MGAT4D: variants seen among roughly 807,000 people sequenced by gnomAD.
The protein encoded by MGAT4D is alpha-1,3-mannosyl-glycoprotein 4-beta-N-acetylglucosaminyltransferase-like protein MGAT4D.
MGAT4D carries 34 observed loss-of-function variants against 15.9 expected under a neutral mutation model. The ratio of observed to expected loss-of-function variants is 2.14; its 90% confidence interval spans 1.62 to 2.84. The LOEUF is 2.84. Ranked by LOEUF, MGAT4D falls within the 30% of genes most tolerant of loss-of-function variation. The pLI, the probability that MGAT4D is intolerant of heterozygous loss-of-function variation, is 0.00. For synonymous variants in MGAT4D, 112 were observed against 48.2 expected, an observed-to-expected ratio of 2.33 and a Z score of -5.49; for missense variants, 327 against 140.2, an observed-to-expected ratio of 2.33 and a Z score of -6.73.
At chr4:140,459,987 C>A (rs1283275203) in intron 7 of MGAT4D, among the ~76,000 whole-genome samples, 1 of 151,852 alleles carries the variant, frequency 6.6e-6, no homozygotes, top group Non-Finnish European at 1.5e-5. Context: ...CCTGCCTTGG[C>A]CTCCCAACTC....
intron 10 of MGAT4D, among the ~76,000 whole-genome samples, chr4:140,443,812 G>A (rs1007845981): frequency 2.6e-5 from 4 of 151,920 alleles, no homozygotes; most frequent in African/African-American, 9.7e-5. Flanking sequence ...TATAGTAAAG[G>A]TTTAGGGTAA....
Position 140,456,612 on chromosome 4 carries a change from C to A in MGAT4D, c.985G>T (p.Val329Leu). ...WLLNDIFQVK[V>L]CDAGEDLRNC... The stretch of plus-strand genomic sequence containing the variant: ...ACAAGATCTTCTCCTGCGTCACACA[C>A]CTTTACCTGAAAAATGTCATTCAAG... The change falls in exon 9 of 11, where the codon GTG (valine) becomes TTG (leucine). Residue 329 changes from valine to leucine, a missense_variant. By Grantham distance (32) the Val-to-Leu change is conservative (BLOSUM62 1). Coordinates refer to ENST00000511113, the MANE Select transcript of MGAT4D (RefSeq NM_001277353.2). 1 of 690,978 alleles carries A rather than the reference C, an allele frequency of 1.4e-6. No individual in the cohort carries two copies. Among genetic ancestry groups the A allele is most frequent in the Non-Finnish European group, 2.6e-6 (1 of 379,460 alleles). 42.8% of individuals were successfully genotyped at this position (690,978 alleles called of 1,614,324 possible).
chr4:140,482,562 A>G (rs7699943), intron 1 of MGAT4D, 77 bp from the exon 2 acceptor site: 45,798 of 545,706 alleles, frequency 0.084, 2,058 homozygotes, highest in South Asian at 0.11. Context: ...GTAAGAATGT[A>G]AAGTATAAGT....
At position 140,498,180 on chromosome 4, in the gene MGAT4D, CGGCGACCA is replaced by C. The variant is rs1733967982; in HGVS notation, c.35_42del (p.Leu12ArgfsTer19). 1.4e-6 allele frequency: 1 copy of C among 702,538 alleles called. No individual in the cohort carries two copies. Among genetic ancestry groups the C allele is most frequent in the Non-Finnish European group, 2.6e-6 (1 of 384,748 alleles). 43.5% of individuals were successfully genotyped at this position (702,538 alleles called of 1,614,324 possible). ...AAGCAAGAGAAGCTGAACAACGCGACGGCGACCAGGGTGATCAGCAAGTTCACCTGCTT... is the reference window on the plus strand; with the variant it reads ...AAGCAAGAGAAGCTGAACAACGCGACGGGTGATCAGCAAGTTCACCTGCTT... On this transcript the variant is annotated frameshift_variant, in exon 1 of 11. Coordinates refer to ENST00000511113, the MANE Select transcript of MGAT4D (RefSeq NM_001277353.2). LOFTEE classifies it high-confidence loss of function.
At chr4:140,496,696 A>G (rs192547815) in intron 1 of MGAT4D, among the ~76,000 whole-genome samples, 2 of 152,200 alleles carry the variant, frequency 1.3e-5, no homozygotes, top group Admixed American at 6.5e-5. Context: ...TACAAAAATT[A>G]TCCGGGCATG....
chr4:140,460,726 A>G (rs1454534042), intron 7 of MGAT4D, among the ~76,000 whole-genome samples: 1 of 152,150 alleles, frequency 6.6e-6, no homozygotes, highest in Non-Finnish European at 1.5e-5. Context: ...AGTCCCAGCT[A>G]CTTGAGGCTT....
chr4:140,473,091 T>C lies in MGAT4D; in HGVS notation c.526-1270A>G, dbSNP rs2126787232. Among the ~76,000 whole-genome samples the C allele has an allele frequency of 2.0e-5, 3 of 152,192 alleles. No homozygotes were observed. The South Asian group carries it at 6.2e-4, about 32-fold the overall frequency. The stretch of plus-strand genomic sequence containing the variant: ...GATATCTTTATATCATTCCAAAGTT[T>C]GCTCATTTTCTTTTTTCTTCATATA... On this transcript the variant is annotated intron_variant, in intron 4 of 10. Coordinates refer to ENST00000511113, the MANE Select transcript of MGAT4D (RefSeq NM_001277353.2).
At chr4:140,478,243 C>A (rs1054340522) in intron 3 of MGAT4D, among the ~76,000 whole-genome samples, 1 of 152,194 alleles carries the variant, frequency 6.6e-6, no homozygotes, top group African/African-American at 2.4e-5. Flanking sequence ...CAACCCCCTA[C>A]ACAAGGAGGT....
chr4:140,488,259 C>T (rs1381678688), intron 1 of MGAT4D, among the ~76,000 whole-genome samples: 1 of 152,206 alleles, frequency 6.6e-6, no homozygotes, highest in Non-Finnish European at 1.5e-5. Context: ...ATTCACTAAA[C>T]ACCTCCAGTA....
Position 140,449,503 on chromosome 4 carries a change from T to A in MGAT4D, c.1116+1907A>T, listed in dbSNP as rs553071558. 3.3e-5 allele frequency among the ~76,000 whole-genome samples: 5 copies of A among 152,342 alleles called. No homozygotes were observed. In the South Asian group the frequency reaches 8.3e-4, roughly 25 times the overall value. The stretch of plus-strand genomic sequence containing the variant: ...GGCCAGGCATGATGGCTCACACCTG[T>A]AATCCCAGTGCTTTGGGAGGCTGAG... On this transcript the variant is annotated intron_variant, in intron 10 of 10. Coordinates refer to ENST00000511113, the MANE Select transcript of MGAT4D (RefSeq NM_001277353.2).
At chr4:140,493,573 GC>G (rs1359163645) in intron 1 of MGAT4D, among the ~76,000 whole-genome samples, 1 of 152,024 alleles carries the variant, frequency 6.6e-6, no homozygotes, top group Non-Finnish European at 1.5e-5. Context: ...GAGATTACAG[GC>G]ATGAGCCACC....
At chr4:140,496,278 G>A (rs1451058594) in intron 1 of MGAT4D, among the ~76,000 whole-genome samples, 2 of 152,104 alleles carry the variant, frequency 1.3e-5, no homozygotes, top group Admixed American at 1.3e-4. Context: ...TTATTTTAGA[G>A]CTAAGTTCCA....
intron 7 of MGAT4D, 98 bp downstream of exon 7, chr4:140,461,831 G>C (rs762845944): frequency 9.3e-5 from 42 of 451,028 alleles, no homozygotes; most frequent in Non-Finnish European, 1.5e-4. Flanking sequence ...GAGGGAGAAA[G>C]TAACACTTTC....
intron 2 of MGAT4D, among the ~76,000 whole-genome samples, chr4:140,480,578 T>A (rs1234452197): frequency 7.2e-5 from 11 of 152,088 alleles, no homozygotes; most frequent in African/African-American, 2.7e-4. Flanking sequence ...AGAAAGTATT[T>A]CCAAATCACA....
At chr4:140,485,852 A>G (rs1413635527) in intron 1 of MGAT4D, among the ~76,000 whole-genome samples, 16 of 142,604 alleles carry the variant, frequency 1.1e-4, no homozygotes, top group Non-Finnish European at 1.8e-4. Context: ...AAAAAAAGCA[A>G]TGATGATACA....
At chr4:140,456,104 A>G (rs961851152) in intron 9 of MGAT4D, among the ~76,000 whole-genome samples, 4 of 152,108 alleles carry the variant, frequency 2.6e-5, no homozygotes, top group African/African-American at 7.2e-5. Context: ...TGCCACTGCA[A>G]TCCAGCCTGG....
At chr4:140,487,446 G>A (rs796618040) in intron 1 of MGAT4D, among the ~76,000 whole-genome samples, 1 of 152,296 alleles carries the variant, frequency 6.6e-6, no homozygotes, top group African/African-American at 2.4e-5. Flanking sequence ...GAAATAAAAT[G>A]CAAGCCACAT....
intron 5 of MGAT4D, among the ~76,000 whole-genome samples, chr4:140,469,629 G>C (rs1731780980): frequency 6.6e-6 from 1 of 151,956 alleles, no homozygotes; most frequent in African/African-American, 2.4e-5. Context: ...AAAGACTCTG[G>C]GTCAGTTTTC....
chr4:140,497,981 C>A, intron 1 of MGAT4D, 148 bp downstream of exon 1: 1 of 515,400 alleles, frequency 1.9e-6, no homozygotes, highest in Non-Finnish European at 3.4e-6. Flanking sequence ...CGGGAAGGCA[C>A]CGACGCGGGC....
Sources: gnomAD v4.1 joint callset for allele counts (sites outside exome capture counted in the v4.1 genomes callset) on GRCh38, gnomAD v4.1.1 for gene constraint, MANE v1.5 for transcripts, NCBI Gene and HGNC (gene_info 2026-07-23, HGNC 2026-07-21) for gene names.